TMEM108: variants seen among roughly 807,000 people sequenced by gnomAD.
The protein encoded by TMEM108 is transmembrane protein 108.
In TMEM108, 12 loss-of-function variants were observed where a neutral mutation model predicts 35.1. That is an observed-to-expected ratio of 0.34 (90% CI 0.22 to 0.55). The LOEUF is 0.55. Among genes scored for constraint, TMEM108 ranks in the 20% least tolerant of loss-of-function variants. The probability of loss-of-function intolerance (pLI) is 0.89; values close to 1 mark genes in which losing one functional copy is unlikely to be tolerated. For synonymous variants in TMEM108, 287 were observed against 308.6 expected, an observed-to-expected ratio of 0.93 and a Z score of 0.73; for missense variants, 680 against 753.3, an observed-to-expected ratio of 0.90 and a Z score of 1.14.
chr3:133,081,945 C>T (rs956797713), intron 2 of TMEM108, among the ~76,000 whole-genome samples: 6 of 152,162 alleles, frequency 3.9e-5, no homozygotes, highest in African/African-American at 1.4e-4. Context: ...GCAAGCCTTG[C>T]TTGGTTATTG....
At chr3:133,084,328 C>G (rs991992922) in intron 2 of TMEM108, among the ~76,000 whole-genome samples, 1 of 152,186 alleles carries the variant, frequency 6.6e-6, no homozygotes, top group African/African-American at 2.4e-5. Context: ...ACTTCTGTTA[C>G]TGTCACTAGA....
chr3:133,379,892 A>G lies in TMEM108; in HGVS notation c.181A>G (p.Thr61Ala), dbSNP rs368821010. Residue 61 changes from threonine (T) to alanine (A), a missense_variant, in exon 4 of 6, where the codon ACT becomes GCT. Transcript: ENST00000321871. ...AGCACCCCACAGCTCTACCAGACAT[A>G]CTTCTGTGGTGATGCTGACCCCCAA... ...VTAPHSSTRHTSVVMLTPNPD... is the reference protein window; with the variant it reads ...VTAPHSSTRHASVVMLTPNPD... 6.2e-6 allele frequency: 10 copies of G among 1,613,426 alleles called. No homozygotes were observed. Among genetic ancestry groups the G allele is most frequent in the African/African-American group, 1.3e-5 (1 of 74,674 alleles).
intron 3 of TMEM108, among the ~76,000 whole-genome samples, chr3:133,278,943 T>G (rs1423075355): frequency 6.6e-6 from 1 of 152,318 alleles, no homozygotes; most frequent in East Asian, 1.9e-4. Context: ...ATGAAAAGTT[T>G]GAGGACATAC....
intron 4 of TMEM108, chr3:133,387,234 A>C (rs1349483490): frequency 1.0e-6 from 1 of 985,362 alleles, no homozygotes; most frequent in East Asian, 1.1e-4. Flanking sequence ...TTTTGCATCC[A>C]TGATCTCTTT....
chr3:133,377,115 G>T (rs1428722804), intron 3 of TMEM108, among the ~76,000 whole-genome samples: 1 of 152,066 alleles, frequency 6.6e-6, no homozygotes, highest in African/African-American at 2.4e-5. Flanking sequence ...TCGAATTAGG[G>T]CCCACTCTTT....
intron 2 of TMEM108, among the ~76,000 whole-genome samples, chr3:133,049,658 A>C (rs1943380573): frequency 6.6e-6 from 1 of 152,120 alleles, no homozygotes. Context: ...GACATAATCA[A>C]ATCCGCAGCC....
chr3:133,136,241 T>C (rs1274823628), intron 2 of TMEM108, among the ~76,000 whole-genome samples: 1 of 152,222 alleles, frequency 6.6e-6, no homozygotes, highest in Non-Finnish European at 1.5e-5. Context: ...TAGGACCTCT[T>C]GTTTTGTGTC....
chr3:133,185,788 T>TCTTTTTTTTC, intron 2 of TMEM108, among the ~76,000 whole-genome samples: 1 of 77,674 alleles, frequency 1.3e-5, no homozygotes, highest in South Asian at 3.5e-4. Context: ...TCTTTTCTTT[T>TCTTTTTTTTC]TTTTTTTTTT....
chr3:133,109,312 C>A (rs1193327808), intron 2 of TMEM108, among the ~76,000 whole-genome samples: 1 of 152,064 alleles, frequency 6.6e-6, no homozygotes, highest in Admixed American at 6.6e-5. Flanking sequence ...CTTGTGATTC[C>A]TTTTATGAAC....
intron 4 of TMEM108, among the ~76,000 whole-genome samples, chr3:133,385,156 C>T (rs1405461676): frequency 6.6e-6 from 1 of 152,118 alleles, no homozygotes; most frequent in African/African-American, 2.4e-5. Flanking sequence ...TATAAGAAAA[C>T]CCGGGTGAGA....
intron 2 of TMEM108, among the ~76,000 whole-genome samples, chr3:133,227,055 C>T (rs543420769): frequency 6.6e-6 from 1 of 152,262 alleles, no homozygotes. Context: ...CCCCGTGATT[C>T]AATTACCTGC....
At chr3:133,347,495 T>A (rs1204396578) in intron 3 of TMEM108, among the ~76,000 whole-genome samples, 1 of 152,128 alleles carries the variant, frequency 6.6e-6, no homozygotes, top group Non-Finnish European at 1.5e-5. Context: ...TGTATATTAA[T>A]ATTGCTTATT....
Position 133,102,953 on chromosome 3 carries a change from G to A in TMEM108, c.-47+56933G>A, listed in dbSNP as rs117619377. On this transcript the variant is annotated intron_variant, in intron 2 of 5. Coordinates refer to ENST00000321871, the MANE Select transcript of TMEM108 (RefSeq NM_023943.4). ...TCAAAAAATAACAGATGCTGGCAAG[G>A]TTGTGGAGAAAAAGGAACACTTAAA... is the stretch of plus-strand genomic sequence containing the variant. Among the ~76,000 whole-genome samples the A allele has an allele frequency of 4.2e-3, 646 of 152,288 alleles. 11 individuals carry two copies. The highest frequency in any genetic ancestry group is 0.03 in the East Asian group (155 of 5,180).
At chr3:133,112,894 G>A (rs1944243075) in intron 2 of TMEM108, among the ~76,000 whole-genome samples, 1 of 152,066 alleles carries the variant, frequency 6.6e-6, no homozygotes, top group South Asian at 2.1e-4. Flanking sequence ...CAGGATTTAT[G>A]GTTAAAATGG....
chr3:133,342,095 A>G (rs1360995456), intron 3 of TMEM108, among the ~76,000 whole-genome samples: 4 of 151,944 alleles, frequency 2.6e-5, no homozygotes, highest in African/African-American at 9.7e-5. Context: ...GTGAAGAGAC[A>G]ACCCACAGAA....
chr3:133,139,638 A>G (rs1012777537), intron 2 of TMEM108, among the ~76,000 whole-genome samples: 9 of 152,232 alleles, frequency 5.9e-5, no homozygotes, highest in Admixed American at 2.6e-4. Context: ...GCATTTGCCC[A>G]GCCTTGTATA....
At chr3:133,387,906 C>G in intron 4 of TMEM108, 1 of 985,450 alleles carries the variant, frequency 1.0e-6, no homozygotes, top group South Asian at 4.7e-5. Flanking sequence ...CTTATAACTG[C>G]TCAGTAGATC....
At chr3:133,197,833 A>G (rs2107822598) in intron 2 of TMEM108, among the ~76,000 whole-genome samples, 1 of 152,316 alleles carries the variant, frequency 6.6e-6, no homozygotes, top group African/African-American at 2.4e-5. Context: ...GTCATAAGGA[A>G]GTGACCACCA....
At chr3:133,191,132 G>C (rs139699687) in intron 2 of TMEM108, among the ~76,000 whole-genome samples, 2 of 152,230 alleles carry the variant, frequency 1.3e-5, no homozygotes, top group East Asian at 3.9e-4. Flanking sequence ...GAGTAGTACT[G>C]TTATGAATAG....
Sources: allele counts gnomAD v4.1 joint callset (sites outside exome capture counted in the v4.1 genomes callset), GRCh38; gene constraint gnomAD v4.1.1; transcripts MANE v1.5; gene names NCBI Gene and HGNC (gene_info 2026-07-23, HGNC 2026-07-21).